The following PRKG1 variants were observed in gnomAD, a reference collection of about 807,000 sequenced individuals.
The protein encoded by PRKG1 is protein kinase cGMP-dependent 1.
In PRKG1, 35 loss-of-function variants were observed where a neutral mutation model predicts 88.1. The observed-to-expected ratio is 0.40, with a 90% confidence interval of 0.30 to 0.53. The LOEUF (loss-of-function observed/expected upper bound fraction) is 0.53, where lower values mean the gene tolerates loss of function less well. Ranked by LOEUF, PRKG1 falls within the 20% of genes least tolerant of loss-of-function variation. The pLI, the probability that PRKG1 is intolerant of heterozygous loss-of-function variation, is 0.59. For synonymous variants in PRKG1, 303 were observed against 292.5 expected (o/e 1.04, Z -0.37); for missense variants, 540 against 839.8 (o/e 0.64, Z 4.41).
chr10:52,289,012 G>A lies in PRKG1; in HGVS notation c.1895+19G>A. On this transcript the variant is annotated intron_variant, in intron 16 of 17. Coordinates refer to ENST00000373980, the MANE Select transcript of PRKG1 (RefSeq NM_006258.4). ...AGCACAAGTAAGTGTTCTTTCTGCA[G>A]AGTTCTGAACACGTGACATCATTTC... 1.4e-5 allele frequency: 23 copies of A among 1,598,018 alleles called. No individual in the cohort carries two copies. Among genetic ancestry groups the A allele is most frequent in the Non-Finnish European group, 1.9e-5 (22 of 1,168,452 alleles).
At chr10:51,564,205 T>C (rs1352375693) in intron 3 of PRKG1, among the ~76,000 whole-genome samples, 1 of 149,092 alleles carries the variant, frequency 6.7e-6, no homozygotes, top group Non-Finnish European at 1.5e-5. Context: ...AATGAAAAAA[T>C]AAACAGGCAA....
intron 3 of PRKG1, among the ~76,000 whole-genome samples, chr10:51,799,650 G>A (rs1839114996): frequency 6.6e-6 from 1 of 151,862 alleles, no homozygotes; most frequent in Non-Finnish European, 1.5e-5. Context: ...GGGAACTCAG[G>A]GAAATGGCTG....
chr10:51,676,452 A>G (rs1222444955), intron 3 of PRKG1, among the ~76,000 whole-genome samples: 1 of 140,840 alleles, frequency 7.1e-6, no homozygotes, highest in Non-Finnish European at 1.5e-5. Flanking sequence ...TCAAAAAGTC[A>G]CCAATGCACA....
At chr10:52,038,891 G>A (rs1377335865) in intron 5 of PRKG1, among the ~76,000 whole-genome samples, 1 of 152,152 alleles carries the variant, frequency 6.6e-6, no homozygotes. Context: ...GGGAGAGATT[G>A]AAGAGTGGAA....
chr10:51,172,607 T>C (rs1008481032), intron 2 of PRKG1, among the ~76,000 whole-genome samples: 2 of 60,712 alleles, frequency 3.3e-5, no homozygotes, highest in African/African-American at 1.5e-4. Context: ...TGTCTATGTA[T>C]GTATGTATGT....
chr10:51,479,189 T>A (rs1413680768), intron 3 of PRKG1, among the ~76,000 whole-genome samples: 1 of 152,074 alleles, frequency 6.6e-6, no homozygotes, highest in Non-Finnish European at 1.5e-5. Context: ...TATTTTTCTG[T>A]ATAGACTGTT....
intron 2 of PRKG1, among the ~76,000 whole-genome samples, chr10:51,376,549 A>G (rs570703152): frequency 6.6e-6 from 1 of 152,328 alleles, no homozygotes; most frequent in Admixed American, 6.5e-5. Flanking sequence ...ATTTTAAATT[A>G]GTTTTAGAAT....
intron 2 of PRKG1, among the ~76,000 whole-genome samples, chr10:51,230,693 C>T (rs1044975210): frequency 4.6e-5 from 7 of 151,840 alleles, no homozygotes; most frequent in African/African-American, 1.5e-4. Context: ...CTACCATATA[C>T]TTTAAATCAT....
intron 5 of PRKG1, among the ~76,000 whole-genome samples, chr10:51,978,467 T>C (rs1843907793): frequency 6.6e-6 from 1 of 150,930 alleles, no homozygotes; most frequent in African/African-American, 2.5e-5. Flanking sequence ...TCCCTATGAA[T>C]TTTTAAACAG....
intron 2 of PRKG1, among the ~76,000 whole-genome samples, chr10:51,386,311 G>A (rs1163075675): frequency 2.0e-5 from 3 of 152,038 alleles, no homozygotes; most frequent in Admixed American, 6.6e-5. Flanking sequence ...TTAAAGAAAC[G>A]TTAAGGAATT....
chr10:51,502,756 T>G (rs1411624642), intron 3 of PRKG1, among the ~76,000 whole-genome samples: 2 of 152,168 alleles, frequency 1.3e-5, no homozygotes, highest in African/African-American at 4.8e-5. Flanking sequence ...TGGTATATCA[T>G]GCATTTTGAA....
At chr10:51,524,729 G>A (rs1478475310) in intron 3 of PRKG1, among the ~76,000 whole-genome samples, 2 of 152,192 alleles carry the variant, frequency 1.3e-5, no homozygotes, top group African/African-American at 2.4e-5. Context: ...AACATTTGTA[G>A]AAGGTGAGTC....
At chr10:51,104,703 TTTATTTA>T (rs1160431883) in intron 1 of PRKG1, among the ~76,000 whole-genome samples, 3 of 119,980 alleles carry the variant, frequency 2.5e-5, no homozygotes, top group African/African-American at 1.0e-4. Flanking sequence ...TTTTATTTTA[TTTATTTA>T]TTTATTTATT....
chr10:52,297,095 C>T lies in PRKG1; in HGVS notation c.*3195C>T, dbSNP rs906605615. The T allele has an allele frequency of 5.9e-5, 9 of 152,062 alleles. No individual in the cohort carries two copies. Among genetic ancestry groups the T allele is most frequent in the African/African-American group, 1.9e-4 (8 of 41,426 alleles). The allele number at this position is 152,062 out of a possible 1,614,324, so 9.4% of individuals were successfully genotyped here. On this transcript the variant is annotated 3_prime_UTR_variant, in exon 18 of 18. Coordinates refer to ENST00000373980, the MANE Select transcript of PRKG1 (RefSeq NM_006258.4). Reference sequence around the variant, plus strand: ...GTGATCTGTGCATTATCCATAACAACGTTTTCTTTCACTATAGGACCACAG... The same window carrying T: ...GTGATCTGTGCATTATCCATAACAATGTTTTCTTTCACTATAGGACCACAG...
intron 2 of PRKG1, among the ~76,000 whole-genome samples, chr10:51,361,242 TA>T (rs1235724937): frequency 6.6e-6 from 1 of 151,906 alleles, no homozygotes; most frequent in Non-Finnish European, 1.5e-5. Flanking sequence ...CATTAGCATT[TA>T]TTTAGCCCAT....
intron 5 of PRKG1, among the ~76,000 whole-genome samples, chr10:51,913,267 G>A (rs546559498): frequency 6.6e-6 from 1 of 152,280 alleles, no homozygotes; most frequent in Non-Finnish European, 1.5e-5. Flanking sequence ...GAACAGGTTT[G>A]TTACACGAGG....
intron 9 of PRKG1, among the ~76,000 whole-genome samples, chr10:52,211,278 A>C (rs1426553564): frequency 2.0e-5 from 3 of 152,204 alleles, no homozygotes; most frequent in African/African-American, 7.2e-5. Flanking sequence ...CTTTGATACA[A>C]GGGAGAGATT....
At chr10:52,133,460 G>T (rs1446791815) in intron 7 of PRKG1, among the ~76,000 whole-genome samples, 1 of 152,122 alleles carries the variant, frequency 6.6e-6, no homozygotes, top group South Asian at 2.1e-4. Context: ...AAATGGATCA[G>T]ATACTCAGTT....
rs192164144 is a variant in PRKG1 at position 51,310,723 on chromosome 10, C to T, written c.479-157000C>T. On this transcript the variant is annotated intron_variant, in intron 2 of 17. Transcript: ENST00000373980. ...ACATATGGCCAATGTTACTGAGTGC[C>T]TTCTATGGGTGCTTTCAGCTAGTTG... 1.2e-3 allele frequency among the ~76,000 whole-genome samples: 186 copies of T among 152,110 alleles called. 1 individual carries two copies. Among genetic ancestry groups the T allele is most frequent in the African/African-American group, 4.2e-3 (175 of 41,488 alleles).
Sources: allele counts gnomAD v4.1 joint callset (sites outside exome capture counted in the v4.1 genomes callset), GRCh38; gene constraint gnomAD v4.1.1; transcripts MANE v1.5; gene names NCBI Gene and HGNC (gene_info 2026-07-23, HGNC 2026-07-21).